CACNA2D3: variants seen among roughly 807,000 people sequenced by gnomAD.
CACNA2D3 encodes voltage-dependent calcium channel subunit alpha-2/delta-3.
Under a neutral mutation model 160.6 loss-of-function variants are expected in CACNA2D3, and 60 were observed. That is an observed-to-expected ratio of 0.37 (90% CI 0.30 to 0.46). CACNA2D3 has a LOEUF of 0.46. CACNA2D3 is among the 20% of genes least tolerant of loss of function. The pLI is 1.00. For missense variants in CACNA2D3, 1,205 were observed against 1,365.0 expected, an observed-to-expected ratio of 0.88 and a Z score of 1.85; for synonymous variants, 558 against 492.9, an observed-to-expected ratio of 1.13 and a Z score of -1.75.
intron 2 of CACNA2D3, among the ~76,000 whole-genome samples, chr3:54,144,919 T>A (rs1369304915): frequency 6.6e-6 from 1 of 152,262 alleles, no homozygotes; most frequent in Non-Finnish European, 1.5e-5. Flanking sequence ...AAAAAACTTC[T>A]GCTGTTTTTA....
chr3:54,378,476 G>C (rs767530134), intron 3 of CACNA2D3, among the ~76,000 whole-genome samples: 1 of 152,114 alleles, frequency 6.6e-6, no homozygotes, highest in Non-Finnish European at 1.5e-5. Flanking sequence ...CCATGCTGGG[G>C]GTTGGGGACT....
chr3:54,786,634 C>T (rs1453342252), intron 13 of CACNA2D3, among the ~76,000 whole-genome samples: 1 of 152,128 alleles, frequency 6.6e-6, no homozygotes, highest in Non-Finnish European at 1.5e-5. Flanking sequence ...TAGCAAATAA[C>T]TATATTATTA....
chr3:54,918,676 T>C lies in CACNA2D3; in HGVS notation c.2449+18808T>C, dbSNP rs529345810. The C allele has an allele frequency of 1.6e-5, 26 of 1,614,186 alleles. No individual in the cohort carries two copies. The East Asian group carries it at 5.1e-4, about 32-fold the overall frequency. On this transcript the variant is annotated intron_variant, in intron 27 of 37. Transcript: ENST00000474759. Reference sequence around the variant, plus strand: ...CAGGTTGGCCGGCCTTGGCTTGGGTTTGAGCTCGCACTCCAAGAGTTCTCG... The same window carrying C: ...CAGGTTGGCCGGCCTTGGCTTGGGTCTGAGCTCGCACTCCAAGAGTTCTCG...
intron 2 of CACNA2D3, among the ~76,000 whole-genome samples, chr3:54,171,135 A>ATTTTTTTTTTTTTTTTT (rs1700557445): frequency 5.3e-5 from 1 of 18,754 alleles, no homozygotes; most frequent in African/African-American, 1.7e-4. Context: ...AAAGATGATG[A>ATTTTTTTTTTTTTTTTT]CTTTTTTTTT....
intron 5 of CACNA2D3, among the ~76,000 whole-genome samples, chr3:54,559,288 CTTTTA>C (rs1006282128): frequency 6.6e-6 from 1 of 151,868 alleles, no homozygotes; most frequent in Non-Finnish European, 1.5e-5. Context: ...TTTTTTCCAA[CTTTTA>C]TTTTATTTTT....
intron 5 of CACNA2D3, among the ~76,000 whole-genome samples, chr3:54,505,117 T>C (rs1353702286): frequency 6.6e-6 from 1 of 152,198 alleles, no homozygotes; most frequent in Non-Finnish European, 1.5e-5. Context: ...TGTCTCTTTT[T>C]CCTGGTTTAC....
intron 9 of CACNA2D3, among the ~76,000 whole-genome samples, chr3:54,611,807 A>G (rs1698754405): frequency 6.6e-6 from 1 of 152,206 alleles, no homozygotes; most frequent in Non-Finnish European, 1.5e-5. Flanking sequence ...GAAAAAAAAA[A>G]TCAGTGCCTA....
intron 27 of CACNA2D3, among the ~76,000 whole-genome samples, chr3:54,954,595 C>T (rs11707318): frequency 3.3e-5 from 5 of 152,086 alleles, no homozygotes; most frequent in African/African-American, 9.7e-5. Context: ...CTGAGCAGCT[C>T]GTTCAGGAGG....
intron 2 of CACNA2D3, among the ~76,000 whole-genome samples, chr3:54,205,677 C>G (rs1001686847): frequency 2.0e-5 from 3 of 152,098 alleles, no homozygotes; most frequent in Non-Finnish European, 4.4e-5. Context: ...TATTTAGCAA[C>G]TTGGAGGCAG....
intron 11 of CACNA2D3, among the ~76,000 whole-genome samples, chr3:54,657,285 C>T (rs1699891017): frequency 6.6e-6 from 1 of 152,172 alleles, no homozygotes; most frequent in Non-Finnish European, 1.5e-5. Flanking sequence ...AGCTTGGGCT[C>T]AGAGGCCTGA....
intron 2 of CACNA2D3, among the ~76,000 whole-genome samples, chr3:54,305,169 GTTA>G (rs1703570400): frequency 6.6e-6 from 1 of 152,174 alleles, no homozygotes; most frequent in South Asian, 2.1e-4. Flanking sequence ...AGACAAGACA[GTTA>G]TTATATTTTT....
Position 54,885,595 on chromosome 3 carries a change from G to A in CACNA2D3, c.2056+9G>A, listed in dbSNP as rs369180594. 1.8e-5 allele frequency: 29 copies of A among 1,603,088 alleles called. No homozygotes were observed. Among genetic ancestry groups the A allele is most frequent in the Non-Finnish European group, 2.4e-5 (28 of 1,171,760 alleles). On this transcript the variant is annotated intron_variant, in intron 23 of 37. Transcript: ENST00000474759. ...AGAACCTCTGCTCCAGTGTGAGTAT[G>A]CTTTCAAAAGTGTGCTGTGCCTTCA...
chr3:54,853,926 A>G (rs1406755391), intron 17 of CACNA2D3, among the ~76,000 whole-genome samples: 1 of 151,858 alleles, frequency 6.6e-6, no homozygotes, highest in Non-Finnish European at 1.5e-5. Flanking sequence ...GTGGTCCCCA[A>G]ATGCAGGGAT....
At chr3:54,773,669 T>C (rs1013619314) in intron 13 of CACNA2D3, among the ~76,000 whole-genome samples, 1 of 152,194 alleles carries the variant, frequency 6.6e-6, no homozygotes. Flanking sequence ...TGAAACAGAT[T>C]ACTGTTATGA....
Position 55,009,302 on chromosome 3 carries a change from C to T in CACNA2D3, c.2820-86C>T, listed in dbSNP as rs990643742. 25 of 1,160,804 alleles carry T rather than the reference C, an allele frequency of 2.2e-5. 1 individual carries two copies. Among genetic ancestry groups the T allele is most frequent in the Non-Finnish European group, 2.7e-5 (21 of 772,788 alleles). The allele number at this position is 1,160,804 out of a possible 1,614,324, so 71.9% of individuals were successfully genotyped here. ...TTGTGATGTTCTCAAATGAGGTAAG[C>T]GATGCCAAAGAATACAGAAAGTCAC... is the stretch of plus-strand genomic sequence containing the variant. On this transcript the variant is annotated intron_variant, in intron 33 of 37. Coordinates refer to ENST00000474759, the MANE Select transcript of CACNA2D3 (RefSeq NM_018398.3).
chr3:54,745,245 T>C (rs1701732731), intron 11 of CACNA2D3, among the ~76,000 whole-genome samples: 1 of 151,808 alleles, frequency 6.6e-6, no homozygotes, highest in South Asian at 2.1e-4. Context: ...AGGCTTAGCG[T>C]TGGACAGTCA....
At chr3:54,852,004 A>G (rs962582012) in intron 17 of CACNA2D3, among the ~76,000 whole-genome samples, 2 of 152,180 alleles carry the variant, frequency 1.3e-5, no homozygotes, top group African/African-American at 4.8e-5. Context: ...TCTAGATAAA[A>G]TGGATTATAG....
intron 2 of CACNA2D3, among the ~76,000 whole-genome samples, chr3:54,232,142 C>G (rs1701781678): frequency 6.6e-6 from 1 of 152,200 alleles, no homozygotes; most frequent in African/African-American, 2.4e-5. Flanking sequence ...GTGTGTGTGT[C>G]TGTCTAACAT....
intron 11 of CACNA2D3, among the ~76,000 whole-genome samples, chr3:54,692,295 T>C (rs1007374437): frequency 1.8e-4 from 27 of 152,198 alleles, no homozygotes; most frequent in Non-Finnish European, 2.1e-4. Flanking sequence ...TTAATTTCTT[T>C]TGATCCATCA....
Sources: gnomAD v4.1 joint callset for allele counts (sites outside exome capture counted in the v4.1 genomes callset) on GRCh38, gnomAD v4.1.1 for gene constraint, MANE v1.5 for transcripts, NCBI Gene and HGNC (gene_info 2026-07-23, HGNC 2026-07-21) for gene names.